Variants in SCN3A observed in about 807,000 individuals in gnomAD.
SCN3A encodes the protein sodium channel protein type 3 subunit alpha.
In SCN3A, 60 loss-of-function variants were observed where a neutral mutation model predicts 187.6. The ratio of observed to expected loss-of-function variants is 0.32; its 90% CI spans 0.26 to 0.40. The LOEUF is 0.40. Ranked by LOEUF, SCN3A falls within the 10% of genes least tolerant of loss-of-function variation. The pLI is 1.00. For missense variants in SCN3A, 1,601 were observed against 2,428.2 expected (o/e 0.66, Z 7.16); for synonymous variants, 788 against 829.2 (o/e 0.95, Z 0.85).
chr2:165,123,735 A>G (rs1341884626), intron 18 of SCN3A, among the ~76,000 whole-genome samples: 2 of 152,190 alleles, frequency 1.3e-5, no homozygotes, highest in African/African-American at 2.4e-5. Context: ...CCCAGCCAAT[A>G]TAAGTGTGCA....
At chr2:165,127,546 G>T in intron 18 of SCN3A, 85 bp downstream of exon 18, 1 of 1,025,310 alleles carries the variant, frequency 9.8e-7, no homozygotes, top group Non-Finnish European at 1.5e-6. Context: ...TTTTGATAAT[G>T]CATATAAGCA....
intron 21 of SCN3A, among the ~76,000 whole-genome samples, chr2:165,105,218 A>G (rs1030625989): frequency 9.9e-5 from 15 of 152,134 alleles, no homozygotes; most frequent in African/African-American, 2.9e-4. Flanking sequence ...ATAAAATACA[A>G]CTTCACAACT....
intron 15 of SCN3A, 100 bp downstream of exon 15, chr2:165,137,779 A>G (rs767093989): frequency 3.6e-5 from 31 of 857,276 alleles, no homozygotes; most frequent in Non-Finnish European, 6.3e-5. Context: ...AGGAAAGAGG[A>G]TATAATTTTT....
intron 12 of SCN3A, among the ~76,000 whole-genome samples, chr2:165,146,382 A>ATGTGTGTGTGTGTG (rs5836018): frequency 1.9e-5 from 2 of 107,850 alleles, no homozygotes; most frequent in South Asian, 3.5e-4. Flanking sequence ...ATATATATAT[A>ATGTGTGTGTGTGTG]TGTGTGTGTG....
Position 165,088,166 on chromosome 2 carries a change from T to G in SCN3A, c.*1984A>C, listed in dbSNP as rs1559170792. The G allele has an allele frequency of 6.6e-6, 1 of 152,600 alleles. No homozygotes were observed. Among genetic ancestry groups the G allele is most frequent in the Non-Finnish European group, 1.5e-5 (1 of 67,984 alleles). 9.5% of individuals were successfully genotyped at this position (152,600 alleles called of 1,614,324 possible). On this transcript the variant is annotated 3_prime_UTR_variant, in exon 28 of 28. Coordinates refer to ENST00000283254, the MANE Select transcript of SCN3A (RefSeq NM_006922.4). ...GCAATAAAAAATGAAATTTATTCTT[T>G]TGGCTCAATAATGACGTAGCTCACC...
chr2:165,196,191 A>ATT (rs201666917), intron 1 of SCN3A, among the ~76,000 whole-genome samples: 1 of 148,790 alleles, frequency 6.7e-6, no homozygotes, highest in Non-Finnish European at 1.5e-5. Context: ...TAAAGGTTGG[A>ATT]TTTTTTTTTT....
In SCN3A at chr2:165,168,151, C is replaced by T. The variant is rs968664468; in HGVS notation, c.473+585G>A. On this transcript the variant is annotated intron_variant, in intron 5 of 27. Transcript: ENST00000283254. ...TACAAAGTTCCATAAGTTTTACTCT[C>T]CCCCAATCATGTTTCCCCTAAGCCC... 4.6e-5 allele frequency among the ~76,000 whole-genome samples: 7 copies of T among 152,132 alleles called. No homozygotes were observed. The East Asian group carries it at 9.6e-4, about 21-fold the overall frequency.
At chr2:165,115,384 T>TC in intron 19 of SCN3A, 71 bp downstream of exon 19, 1 of 1,589,714 alleles carries the variant, frequency 6.3e-7, no homozygotes, top group Non-Finnish European at 8.6e-7. Context: ...TTTTTTTTTT[T>TC]AAATGAGGCA....
intron 21 of SCN3A, among the ~76,000 whole-genome samples, chr2:165,107,576 A>G (rs1054378941): frequency 1.3e-5 from 2 of 152,236 alleles, no homozygotes; most frequent in Non-Finnish European, 2.9e-5. Context: ...AGGTGTCTGC[A>G]TATTAGCAAG....
At chr2:165,164,286 C>G (rs926128642) in intron 6 of SCN3A, 106 bp downstream of exon 6, 2 of 1,434,140 alleles carry the variant, frequency 1.4e-6, no homozygotes, top group Non-Finnish European at 2.0e-6. Flanking sequence ...ATATAGTTAA[C>G]TTGACTAACA....
intron 16 of SCN3A, among the ~76,000 whole-genome samples, chr2:165,130,774 A>C (rs1419652153): frequency 6.6e-6 from 1 of 152,186 alleles, no homozygotes; most frequent in Admixed American, 6.5e-5. Flanking sequence ...TTTTCAATAA[A>C]TTTTACATAT....
chr2:165,166,465 A>G (rs542111606), intron 5 of SCN3A, among the ~76,000 whole-genome samples: 51 of 152,178 alleles, frequency 3.4e-4, no homozygotes, highest in Non-Finnish European at 6.8e-4. Context: ...GCTAATCTTA[A>G]TTGTTGAATT....
intron 2 of SCN3A, among the ~76,000 whole-genome samples, chr2:165,176,717 A>T (rs1382829964): frequency 6.6e-6 from 1 of 152,216 alleles, no homozygotes; most frequent in Non-Finnish European, 1.5e-5. Context: ...TATAAACATT[A>T]TATTTTACCT....
At chr2:165,091,796 T>C (rs1352283310) in intron 27 of SCN3A, 1 of 267,196 alleles carries the variant, frequency 3.7e-6, no homozygotes, top group Non-Finnish European at 7.1e-6. Context: ...CCATCTCTCT[T>C]TTTCTCCTAC....
At chr2:165,109,433 G>A (rs1686013379) in intron 21 of SCN3A, among the ~76,000 whole-genome samples, 2 of 152,066 alleles carry the variant, frequency 1.3e-5, no homozygotes, top group South Asian at 4.1e-4. Context: ...TATATCAAAT[G>A]AATACATCTC....
chr2:165,128,802 ATG>A (rs34565727), intron 17 of SCN3A, among the ~76,000 whole-genome samples: 77,482 of 151,174 alleles, frequency 0.51, 20,873 homozygotes, highest in East Asian at 0.77. Flanking sequence ...CTTTGTGTGT[ATG>A]TGTGTGTGTG....
intron 22 of SCN3A, among the ~76,000 whole-genome samples, chr2:165,099,151 A>G (rs1685490062): frequency 6.6e-6 from 1 of 152,172 alleles, no homozygotes; most frequent in Admixed American, 6.5e-5. Flanking sequence ...TTATTGCCCC[A>G]AACCAACCAT....
chr2:165,103,860 A>G (rs535225618), intron 21 of SCN3A, among the ~76,000 whole-genome samples: 1 of 152,314 alleles, frequency 6.6e-6, no homozygotes, highest in East Asian at 1.9e-4. Flanking sequence ...AAAAGCTTGT[A>G]TAATTTTTGA....
intron 27 of SCN3A, 126 bp from the exon 28 acceptor site, chr2:165,091,471 T>C: frequency 8.7e-7 from 1 of 1,148,526 alleles, no homozygotes; most frequent in East Asian, 2.5e-5. Flanking sequence ...AATATTTGGA[T>C]CCACTCCCTG....
Sources: allele counts gnomAD v4.1 joint callset (sites outside exome capture counted in the v4.1 genomes callset), GRCh38; gene constraint gnomAD v4.1.1; transcripts MANE v1.5; gene names NCBI Gene and HGNC (gene_info 2026-07-23, HGNC 2026-07-21).